TCF20: variants seen among roughly 807,000 people sequenced by gnomAD.
TCF20 encodes the protein SPRE-binding protein.
Under a neutral mutation model 148.6 loss-of-function variants are expected in TCF20, and 3 were observed. The ratio of observed to expected loss-of-function variants is 0.02; its 90% CI spans 0.01 to 0.05. TCF20 has a LOEUF of 0.05. Among genes scored for constraint, TCF20 ranks in the 10% least tolerant of loss-of-function variants. The pLI is 1.00. For synonymous variants in TCF20, 1,049 were observed against 909.5 expected, an observed-to-expected ratio of 1.15 and a Z score of -2.76; for missense variants, 2,350 against 2,429.3, an observed-to-expected ratio of 0.97 and a Z score of 0.69.
intron 1 of TCF20, among the ~76,000 whole-genome samples, chr22:42,252,050 A>C (rs934535282): frequency 1.3e-5 from 2 of 151,100 alleles, no homozygotes; most frequent in African/African-American, 4.9e-5. Flanking sequence ...TGGGCAGATC[A>C]CCTGAGGTCA....
intron 2 of TCF20, among the ~76,000 whole-genome samples, chr22:42,204,132 AG>A (rs1225779833): frequency 6.6e-6 from 1 of 152,210 alleles, no homozygotes; most frequent in African/African-American, 2.4e-5. Context: ...AGTAAATTTA[AG>A]AAAGATGTGA....
intron 1 of TCF20, among the ~76,000 whole-genome samples, chr22:42,269,299 G>GA (rs1187631593): frequency 2.0e-5 from 3 of 151,502 alleles, no homozygotes; most frequent in African/African-American, 4.8e-5. Context: ...AATCTTCGAG[G>GA]AAAAAAAAGC....
At chr22:42,204,203 C>A (rs1938231408) in intron 2 of TCF20, among the ~76,000 whole-genome samples, 1 of 152,048 alleles carries the variant, frequency 6.6e-6, no homozygotes, top group South Asian at 2.1e-4. Context: ...TAAAAATAAG[C>A]CCCTAAACTG....
chr22:42,239,337 G>A (rs868589816), intron 1 of TCF20, among the ~76,000 whole-genome samples: 4 of 151,798 alleles, frequency 2.6e-5, no homozygotes, highest in Non-Finnish European at 5.9e-5. Flanking sequence ...TTAGCAGGGC[G>A]TGATGGCGCA....
At chr22:42,182,692 C>T (rs775510787) in intron 2 of TCF20, among the ~76,000 whole-genome samples, 4 of 152,214 alleles carry the variant, frequency 2.6e-5, no homozygotes, top group Non-Finnish European at 1.5e-5. Flanking sequence ...TCCCCTGGAA[C>T]AGCAGCATCA....
chr22:42,243,516 C>T (rs1302297265), intron 1 of TCF20, among the ~76,000 whole-genome samples: 17 of 151,950 alleles, frequency 1.1e-4, no homozygotes, highest in Non-Finnish European at 1.8e-4. Flanking sequence ...GCAGGAGAAT[C>T]GCTTGAACCC....
At chr22:42,244,138 A>G (rs1413574784) in intron 1 of TCF20, among the ~76,000 whole-genome samples, 2 of 152,190 alleles carry the variant, frequency 1.3e-5, no homozygotes, top group Admixed American at 1.3e-4. Context: ...CAGTGAGTGA[A>G]GCCTGTAGTG....
At chr22:42,237,931 G>C (rs747784627) in intron 1 of TCF20, among the ~76,000 whole-genome samples, 4 of 152,204 alleles carry the variant, frequency 2.6e-5, no homozygotes, top group Non-Finnish European at 5.9e-5. Flanking sequence ...AGTAGATTTA[G>C]CATAAATTTA....
chr22:42,241,333 A>T (rs985326276), intron 1 of TCF20, among the ~76,000 whole-genome samples: 1 of 152,228 alleles, frequency 6.6e-6, no homozygotes, highest in Non-Finnish European at 1.5e-5. Context: ...TTATAGATCC[A>T]AAGGAACTCC....
At position 42,290,660 on chromosome 22, in the gene TCF20, G is replaced by A. The variant is rs185866745; in HGVS notation, c.-37+52819C>T. 4.6e-5 allele frequency among the ~76,000 whole-genome samples: 7 copies of A among 152,300 alleles called. No individual in the cohort carries two copies. Among genetic ancestry groups the A allele is most frequent in the Admixed American group, 3.3e-4 (5 of 15,308 alleles). On this transcript the variant is annotated intron_variant, in intron 1 of 1. Coordinates refer to the TCF20 transcript ENST00000515426. This position sits in a 1 kb window ranked among gnomAD's most constrained non-coding sequence, Gnocchi z 4.2. ...GGAGCGCGTGCCCCTGAGCCCACTCGCTGTGGCTGCAGCATACACCGCTGG... is the reference window on the plus strand; with the variant it reads ...GGAGCGCGTGCCCCTGAGCCCACTCACTGTGGCTGCAGCATACACCGCTGG...
At chr22:42,239,953 C>CA (rs902033445) in intron 1 of TCF20, among the ~76,000 whole-genome samples, 8 of 151,722 alleles carry the variant, frequency 5.3e-5, no homozygotes, top group East Asian at 1.9e-4. Flanking sequence ...ATTTATAAAA[C>CA]AAAAAAATCC....
At chr22:42,335,919 C>A (rs1034035605) in intron 1 of TCF20, among the ~76,000 whole-genome samples, 1 of 152,320 alleles carries the variant, frequency 6.6e-6, no homozygotes, top group East Asian at 1.9e-4. Flanking sequence ...CTGTGGTGGG[C>A]AACCAAATCT....
chr22:42,205,848 T>C (rs951579565), intron 2 of TCF20, among the ~76,000 whole-genome samples: 1 of 152,212 alleles, frequency 6.6e-6, no homozygotes, highest in African/African-American at 2.4e-5. Flanking sequence ...CTTGGCTCAC[T>C]GCAACCTCCG....
intron 1 of TCF20, among the ~76,000 whole-genome samples, chr22:42,324,813 C>G (rs564917577): frequency 1.3e-4 from 20 of 152,358 alleles, no homozygotes; most frequent in African/African-American, 4.8e-4. Flanking sequence ...CTCATGCAAT[C>G]TCCCAGCAGC....
chr22:42,213,227 C>T lies in TCF20; in HGVS notation c.2079G>A (p.Thr693=), dbSNP rs369985661. 3.5e-5 allele frequency: 56 copies of T among 1,614,032 alleles called. No homozygotes were observed. Among genetic ancestry groups the T allele is most frequent in the Non-Finnish European group, 4.3e-5 (51 of 1,180,024 alleles). The change falls in exon 2 of 6, where the codon ACG becomes ACA. Residue 693 remains threonine, a synonymous_variant. Transcript: ENST00000677622. ...GAGATTTGCTAGGCTCAGTTCTGCT[C>T]GTAAAACCAGGGCCCGCTGCAGAGT... The part of the protein sequence containing the change: ...SGHSAAGPGF[T]SRTEPSKSPG...
At chr22:42,248,128 T>C (rs1601658067) in intron 1 of TCF20, among the ~76,000 whole-genome samples, 1 of 152,164 alleles carries the variant, frequency 6.6e-6, no homozygotes. Context: ...GACTGTCAGA[T>C]AATTGCTGTG....
chr22:42,232,241 G>GCC (rs1221381699), intron 1 of TCF20, among the ~76,000 whole-genome samples: 2 of 152,100 alleles, frequency 1.3e-5, no homozygotes, highest in East Asian at 3.9e-4. Flanking sequence ...TTGTATCCTA[G>GCC]GAGCAATAGG....
chr22:42,291,800 CT>C (rs927915602), intron 1 of TCF20, among the ~76,000 whole-genome samples: 3 of 151,948 alleles, frequency 2.0e-5, no homozygotes, highest in Admixed American at 1.3e-4. Context: ...CCAGGGTCTC[CT>C]GATTCTGGTC....
chr22:42,171,496 T>C (rs1043254008), intron 3 of TCF20, among the ~76,000 whole-genome samples: 2 of 152,186 alleles, frequency 1.3e-5, no homozygotes, highest in African/African-American at 2.4e-5. Context: ...CTGTCTTTCG[T>C]TGGAGCCCAT....
Sources: gnomAD v4.1 joint callset for allele counts (sites outside exome capture counted in the v4.1 genomes callset) on GRCh38, gnomAD v4.1.1 for gene constraint, Gnocchi (gnomAD v3.1) non-coding constraint, MANE v1.5 for transcripts, NCBI Gene and HGNC (gene_info 2026-07-23, HGNC 2026-07-21) for gene names.